The following STXBP6 variants were observed in gnomAD, a reference collection of about 807,000 sequenced individuals.
The protein encoded by STXBP6 is syntaxin binding protein 6.
In STXBP6, 21 loss-of-function variants were observed where a neutral mutation model predicts 26.9. That is an observed-to-expected ratio of 0.78 (90% confidence interval 0.55 to 1.12). The LOEUF (loss-of-function observed/expected upper bound fraction) is 1.12, where lower values mean the gene tolerates loss of function less well. STXBP6 is among the 50% of genes most tolerant of loss of function. The pLI, the probability that STXBP6 is intolerant of heterozygous loss-of-function variation, is 0.00. For missense variants in STXBP6, 232 were observed against 257.9 expected (o/e 0.90, Z 0.69); for synonymous variants, 97 against 92.6 (o/e 1.05, Z -0.27).
chr14:24,857,471 C>G (rs1161928089), intron 2 of STXBP6, among the ~76,000 whole-genome samples: 1 of 151,904 alleles, frequency 6.6e-6, no homozygotes, highest in Admixed American at 6.6e-5. Flanking sequence ...TCAATGGAGG[C>G]TATAAGTGCA....
At chr14:25,036,219 A>G (rs2075549104) in intron 1 of STXBP6, among the ~76,000 whole-genome samples, 1 of 90,144 alleles carries the variant, frequency 1.1e-5, no homozygotes, top group East Asian at 2.3e-4. Context: ...TCCATCAAAA[A>G]AAAAAAAAAA....
intron 2 of STXBP6, among the ~76,000 whole-genome samples, chr14:24,929,883 A>T (rs552436749): frequency 6.6e-6 from 1 of 152,348 alleles, no homozygotes; most frequent in South Asian, 2.1e-4. Context: ...CAGAAGGGGT[A>T]GCAGTACCAT....
intron 2 of STXBP6, among the ~76,000 whole-genome samples, chr14:24,908,150 A>G (rs903648024): frequency 3.9e-5 from 6 of 152,192 alleles, no homozygotes; most frequent in Non-Finnish European, 8.8e-5. Flanking sequence ...TTTCGTCTTT[A>G]CAATAAATAG....
At chr14:24,904,997 A>G (rs1255563198) in intron 2 of STXBP6, among the ~76,000 whole-genome samples, 1 of 152,224 alleles carries the variant, frequency 6.6e-6, no homozygotes, top group Non-Finnish European at 1.5e-5. Flanking sequence ...TGGGTTTGCT[A>G]CTAGTGACAA....
chr14:24,839,540 T>C (rs2068728031), intron 4 of STXBP6, among the ~76,000 whole-genome samples: 1 of 152,184 alleles, frequency 6.6e-6, no homozygotes, highest in Admixed American at 6.5e-5. Context: ...TTTGATTCTG[T>C]GTTTGAATAA....
intron 4 of STXBP6, among the ~76,000 whole-genome samples, chr14:24,845,617 T>C (rs2068936354): frequency 6.6e-6 from 1 of 152,170 alleles, no homozygotes; most frequent in Non-Finnish European, 1.5e-5. Context: ...TGTAGGACAA[T>C]ATTACACAAT....
intron 2 of STXBP6, among the ~76,000 whole-genome samples, chr14:24,968,811 T>C (rs533546005): frequency 2.6e-5 from 4 of 152,278 alleles, no homozygotes; most frequent in African/African-American, 7.2e-5. Flanking sequence ...TTTAATAAAA[T>C]TGAGTATCAA....
intron 4 of STXBP6, among the ~76,000 whole-genome samples, chr14:24,855,270 A>G (rs1194610218): frequency 6.6e-6 from 1 of 152,146 alleles, no homozygotes; most frequent in Non-Finnish European, 1.5e-5. Flanking sequence ...GAAAAGACCA[A>G]TGATATAAAC....
chr14:24,918,588 AG>A (rs2071861959), intron 2 of STXBP6, among the ~76,000 whole-genome samples: 1 of 151,914 alleles, frequency 6.6e-6, no homozygotes, highest in Admixed American at 6.6e-5. Flanking sequence ...AAAATACTGT[AG>A]AATTGGCAGT....
chr14:25,032,712 A>C (rs915686948), intron 1 of STXBP6, among the ~76,000 whole-genome samples: 2 of 152,226 alleles, frequency 1.3e-5, no homozygotes, highest in Non-Finnish European at 2.9e-5. Flanking sequence ...AATCCTTCAC[A>C]TTTCACAAAG....
In STXBP6 at chr14:24,980,329, T is replaced by G. The variant is rs143706045; in HGVS notation, c.-32-5479A>C. ...AAAGAGTTACTGATTTTTAACAAAA[T>G]GTTTACTTAGATAATGTTTCTCTTT... On this transcript the variant is annotated intron_variant, in intron 1 of 5. Transcript: ENST00000323944. Among the ~76,000 whole-genome samples, 157 of 152,336 alleles carry G rather than the reference T, an allele frequency of 1.0e-3. 1 individual carries two copies. The highest frequency in any genetic ancestry group is 3.4e-3 in the African/African-American group (142 of 41,590).
intron 4 of STXBP6, among the ~76,000 whole-genome samples, chr14:24,837,678 A>G (rs1389476403): frequency 6.6e-6 from 1 of 152,214 alleles, no homozygotes; most frequent in Non-Finnish European, 1.5e-5. Flanking sequence ...AAAGGCTAGG[A>G]CAGAATTAAT....
chr14:25,013,871 A>C (rs2075090022), intron 1 of STXBP6, among the ~76,000 whole-genome samples: 1 of 152,220 alleles, frequency 6.6e-6, no homozygotes, highest in Non-Finnish European at 1.5e-5. Context: ...ACTAAAGAGA[A>C]AAATAATGAG....
intron 1 of STXBP6, among the ~76,000 whole-genome samples, chr14:25,020,653 G>C (rs1280240093): frequency 1.3e-5 from 2 of 152,046 alleles, no homozygotes; most frequent in East Asian, 3.9e-4. Context: ...TCTACCCTTT[G>C]ACTACAATAT....
At chr14:24,866,114 G>A (rs2069709518) in intron 2 of STXBP6, among the ~76,000 whole-genome samples, 1 of 152,062 alleles carries the variant, frequency 6.6e-6, no homozygotes, top group African/African-American at 2.4e-5. Context: ...TTTGAGTAAA[G>A]CACATGACCC....
At chr14:24,858,707 T>C (rs1181621336) in intron 2 of STXBP6, among the ~76,000 whole-genome samples, 1 of 152,108 alleles carries the variant, frequency 6.6e-6, no homozygotes, top group African/African-American at 2.4e-5. Context: ...ATTTTTTGTG[T>C]CTCCTATGAC....
At chr14:24,914,925 G>A (rs1293412267) in intron 2 of STXBP6, among the ~76,000 whole-genome samples, 1 of 152,176 alleles carries the variant, frequency 6.6e-6, no homozygotes, top group Non-Finnish European at 1.5e-5. Context: ...ACATGCAAGT[G>A]CCAGGCAGCA....
intron 2 of STXBP6, among the ~76,000 whole-genome samples, chr14:24,906,262 G>T (rs1367181843): frequency 6.6e-6 from 1 of 151,842 alleles, no homozygotes; most frequent in Non-Finnish European, 1.5e-5. Flanking sequence ...TACCCTATAG[G>T]CTAAAAATAT....
intron 2 of STXBP6, among the ~76,000 whole-genome samples, chr14:24,973,110 C>T (rs1352947352): frequency 2.6e-5 from 4 of 151,998 alleles, no homozygotes; most frequent in Admixed American, 1.3e-4. Flanking sequence ...AGAGTGAGAC[C>T]CTGTCTCAAA....
Sources: gnomAD v4.1 joint callset for allele counts (sites outside exome capture counted in the v4.1 genomes callset) on GRCh38, gnomAD v4.1.1 for gene constraint, MANE v1.5 for transcripts, NCBI Gene and HGNC (gene_info 2026-07-23, HGNC 2026-07-21) for gene names.